GRM7: variants seen among roughly 807,000 people sequenced by gnomAD.
The protein encoded by GRM7 is glutamate metabotropic receptor 7, also known as metabotropic glutamate receptor 7.
Under a neutral mutation model 84.5 loss-of-function variants are expected in GRM7, and 35 were observed. The observed-to-expected ratio is 0.41, with a 90% CI of 0.32 to 0.55. GRM7 has a LOEUF of 0.55. GRM7 is among the 20% of genes least tolerant of loss of function. The pLI is 0.19. For synonymous variants in GRM7, 487 were observed against 455.1 expected, an observed-to-expected ratio of 1.07 and a Z score of -0.89; for missense variants, 1,003 against 1,194.6, an observed-to-expected ratio of 0.84 and a Z score of 2.36.
rs1697919433 is a variant in GRM7 at position 7,632,899 on chromosome 3, A to T, written c.2452-47150A>T. On this transcript the variant is annotated intron_variant, in intron 8 of 9. Transcript: ENST00000357716. ...AGTCATAAAGCAAAGAATCCCTTCA[A>T]TGGAATAATTTTACTTAATATAACG... Among the ~76,000 whole-genome samples the T allele has an allele frequency of 2.0e-5, 3 of 152,264 alleles. No individual in the cohort carries two copies. The South Asian group carries it at 6.2e-4, about 31-fold the overall frequency.
At chr3:7,060,436 CAT>C (rs1697397698) in intron 1 of GRM7, among the ~76,000 whole-genome samples, 2 of 151,758 alleles carry the variant, frequency 1.3e-5, no homozygotes, top group South Asian at 2.1e-4. Context: ...GTGAAAAAAA[CAT>C]ATGCTGTCTT....
intron 2 of GRM7, among the ~76,000 whole-genome samples, chr3:7,155,782 G>T (rs767285905): frequency 6.8e-4 from 103 of 152,138 alleles, no homozygotes; most frequent in Non-Finnish European, 1.1e-3. Flanking sequence ...AAGCTGAAGG[G>T]GAGCAGATGA....
At chr3:7,616,609 CTGTA>C (rs550178855) in intron 8 of GRM7, among the ~76,000 whole-genome samples, 70 of 152,246 alleles carry the variant, frequency 4.6e-4, no homozygotes, top group South Asian at 2.3e-3. Context: ...CAGTTGTTTT[CTGTA>C]TGTATGTTTT....
At chr3:7,210,523 A>G (rs1444473545) in intron 2 of GRM7, among the ~76,000 whole-genome samples, 1 of 152,236 alleles carries the variant, frequency 6.6e-6, no homozygotes, top group Non-Finnish European at 1.5e-5. Context: ...TTTAAGAATC[A>G]AGTGAAGAAA....
chr3:7,284,015 G>A (rs1289725501), intron 2 of GRM7, among the ~76,000 whole-genome samples: 1 of 152,192 alleles, frequency 6.6e-6, no homozygotes, highest in African/African-American at 2.4e-5. Flanking sequence ...AACTGGAACA[G>A]CAGTGTCAAT....
At chr3:6,951,453 G>C (rs1692760110) in intron 1 of GRM7, among the ~76,000 whole-genome samples, 1 of 151,956 alleles carries the variant, frequency 6.6e-6, no homozygotes, top group South Asian at 2.1e-4. Context: ...TACTACTTTA[G>C]TGGTATTCTA....
intron 5 of GRM7, among the ~76,000 whole-genome samples, chr3:7,437,968 T>G (rs1697127920): frequency 6.6e-6 from 1 of 151,676 alleles, no homozygotes; most frequent in South Asian, 2.1e-4. Context: ...TGAAATTTGT[T>G]TAAAAAAAAA....
At chr3:7,324,001 G>T (rs114199896) in intron 4 of GRM7, among the ~76,000 whole-genome samples, 1,905 of 152,102 alleles carry the variant, frequency 0.013, 49 homozygotes, top group African/African-American at 0.041. Flanking sequence ...AATCTTTACG[G>T]GTGGCACCAA....
chr3:7,203,786 A>T (rs1696144599), intron 2 of GRM7, among the ~76,000 whole-genome samples: 1 of 152,224 alleles, frequency 6.6e-6, no homozygotes, highest in Non-Finnish European at 1.5e-5. Context: ...ATCTTATGCT[A>T]TATAAAACAT....
chr3:7,515,620 C>T (rs756797740), intron 7 of GRM7, among the ~76,000 whole-genome samples: 3 of 152,072 alleles, frequency 2.0e-5, no homozygotes, highest in African/African-American at 2.4e-5. Flanking sequence ...AGTTCCCCAG[C>T]CTTATAAAGG....
At chr3:7,200,095 G>C (rs1476644395) in intron 2 of GRM7, among the ~76,000 whole-genome samples, 2 of 152,212 alleles carry the variant, frequency 1.3e-5, no homozygotes, top group Non-Finnish European at 2.9e-5. Flanking sequence ...CACATGGTGA[G>C]GGAGGTGGCA....
chr3:7,438,883 G>A (rs775267779), intron 5 of GRM7, among the ~76,000 whole-genome samples: 33 of 152,022 alleles, frequency 2.2e-4, no homozygotes, highest in African/African-American at 5.8e-4. Flanking sequence ...AAGATATCGG[G>A]GGTGGAAGGG....
At chr3:7,408,539 A>G (rs753213004) in intron 4 of GRM7, among the ~76,000 whole-genome samples, 1 of 152,176 alleles carries the variant, frequency 6.6e-6, no homozygotes, top group Non-Finnish European at 1.5e-5. Context: ...ATCAATAATG[A>G]TCTAGCCAAG....
chr3:7,111,824 C>A (rs6765428), intron 1 of GRM7, among the ~76,000 whole-genome samples: 1,546 of 152,188 alleles, frequency 0.01, 20 homozygotes, highest in African/African-American at 0.036. Context: ...TTGTACATAG[C>A]CTCATTTCTT....
intron 8 of GRM7, among the ~76,000 whole-genome samples, chr3:7,615,061 G>A (rs757605290): frequency 2.0e-5 from 3 of 152,086 alleles, no homozygotes; most frequent in Admixed American, 6.5e-5. Flanking sequence ...TGTTTTTACT[G>A]AGAATTCAGT....
chr3:7,233,105 A>G (rs1697246130), intron 2 of GRM7, among the ~76,000 whole-genome samples: 1 of 152,160 alleles, frequency 6.6e-6, no homozygotes, highest in African/African-American at 2.4e-5. Flanking sequence ...ATCAAAGGAT[A>G]TTTTTCTTAA....
At chr3:7,547,316 C>A (rs1693211990) in intron 7 of GRM7, among the ~76,000 whole-genome samples, 1 of 149,946 alleles carries the variant, frequency 6.7e-6, no homozygotes, top group Admixed American at 6.7e-5. Context: ...ACGCCATTCT[C>A]CTGCCTCAGC....
Position 7,714,764 on chromosome 3 carries a change from G to T in GRM7, c.2699-25593G>T, listed in dbSNP as rs74549915. Among the ~76,000 whole-genome samples, 421 of 152,278 alleles carry T rather than the reference G, an allele frequency of 2.8e-3. 3 individuals are homozygous for T. Among genetic ancestry groups the T allele is most frequent in the African/African-American group, 9.6e-3 (398 of 41,556 alleles). On this transcript the variant is annotated intron_variant, in intron 9 of 9. Coordinates refer to ENST00000357716, the MANE Select transcript of GRM7 (RefSeq NM_000844.4). ...AATCCTCTATCCAAGAACAGTTTGG[G>T]TCCTGTAACAGAGTCCATTTCCTTG...
At chr3:7,698,303 T>C (rs1275879733) in intron 9 of GRM7, among the ~76,000 whole-genome samples, 3 of 152,220 alleles carry the variant, frequency 2.0e-5, no homozygotes, top group Non-Finnish European at 2.9e-5. Flanking sequence ...GTGGCAGCCA[T>C]GCTGTGTGGC....
Sources: allele counts gnomAD v4.1 joint callset (sites outside exome capture counted in the v4.1 genomes callset), GRCh38; gene constraint gnomAD v4.1.1; transcripts MANE v1.5; gene names NCBI Gene and HGNC (gene_info 2026-07-23, HGNC 2026-07-21).